The following ABTB3 variants were observed in gnomAD, a reference collection of about 807,000 sequenced individuals.
The protein encoded by ABTB3 is ankyrin repeat- and BTB/POZ domain-containing protein 3.
chr12:107,598,887 T>C, the ABTB3 span, among the ~76,000 whole-genome samples: 1 of 152,236 alleles, frequency 6.6e-6, no homozygotes, highest in Non-Finnish European at 1.5e-5. Flanking sequence ...GCCCTTATCC[T>C]GTCTCTGCTC....
the ABTB3 span, among the ~76,000 whole-genome samples, chr12:107,330,201 T>G: frequency 6.6e-6 from 1 of 152,128 alleles, no homozygotes; most frequent in Non-Finnish European, 1.5e-5. Flanking sequence ...TGGTAGAGGT[T>G]AGACTAAGCA....
At chr12:107,637,606 A>G in the ABTB3 span, among the ~76,000 whole-genome samples, 1 of 152,204 alleles carries the variant, frequency 6.6e-6, no homozygotes, top group Non-Finnish European at 1.5e-5. Flanking sequence ...GCATAACTAA[A>G]GGTCACCAAA....
At chr12:107,503,697 C>A in the ABTB3 span, among the ~76,000 whole-genome samples, 1 of 140,298 alleles carries the variant, frequency 7.1e-6, no homozygotes, top group Admixed American at 7.8e-5. Flanking sequence ...GTCGAGGCTG[C>A]ACTGAGCTGT....
chr12:107,606,836 G>C, the ABTB3 span, among the ~76,000 whole-genome samples: 1 of 152,174 alleles, frequency 6.6e-6, no homozygotes, highest in Non-Finnish European at 1.5e-5. Context: ...CCCCAATCAA[G>C]GGTGCAGACT....
At chr12:107,338,797 C>T in the ABTB3 span, among the ~76,000 whole-genome samples, 1 of 152,140 alleles carries the variant, frequency 6.6e-6, no homozygotes, top group African/African-American at 2.4e-5. Context: ...CGAGAGCCAC[C>T]CAGAGCATTT....
chr12:107,568,353 G>T, the ABTB3 span, among the ~76,000 whole-genome samples: 11 of 152,194 alleles, frequency 7.2e-5, no homozygotes, highest in African/African-American at 1.2e-4. Flanking sequence ...GACGATGTGT[G>T]TAGATCATGA....
chr12:107,474,898 G>A, the ABTB3 span, among the ~76,000 whole-genome samples: 1 of 152,132 alleles, frequency 6.6e-6, no homozygotes, highest in Non-Finnish European at 1.5e-5. Context: ...CTGATTTCCA[G>A]CCAGGTCTAG....
At chr12:107,575,218 G>T in the ABTB3 span, among the ~76,000 whole-genome samples, 1 of 152,206 alleles carries the variant, frequency 6.6e-6, no homozygotes, top group African/African-American at 2.4e-5. Flanking sequence ...TATAGCATCT[G>T]CAGAGGTTTG....
At chr12:107,464,127 A>G in the ABTB3 span, among the ~76,000 whole-genome samples, 3 of 151,950 alleles carry the variant, frequency 2.0e-5, no homozygotes, top group African/African-American at 7.3e-5. Context: ...AAATCAGGCC[A>G]CTTTTGACTC....
At chr12:107,643,770 T>TTTTTG in the ABTB3 span, among the ~76,000 whole-genome samples, 1,052 of 140,240 alleles carry the variant, frequency 7.5e-3, 25 homozygotes, top group African/African-American at 0.026. Context: ...TTTTTTTTTT[T>TTTTTG]GTTGAGAGAG....
chr12:107,367,236 A>G, the ABTB3 span, among the ~76,000 whole-genome samples: 1 of 152,218 alleles, frequency 6.6e-6, no homozygotes, highest in South Asian at 2.1e-4. Flanking sequence ...GGTGGTAACC[A>G]TAGAGATTGT....
the ABTB3 span, chr12:107,617,637 G>T: frequency 6.5e-6 from 4 of 616,004 alleles, no homozygotes; most frequent in Admixed American, 3.2e-5. Flanking sequence ...CACTCAGAAT[G>T]CTTTATTTTA....
chr12:107,534,040 A>G, the ABTB3 span, among the ~76,000 whole-genome samples: 30 of 152,280 alleles, frequency 2.0e-4, no homozygotes, highest in African/African-American at 7.2e-4. Context: ...GAAATTTAAA[A>G]AGAAATTAAA....
chr12:107,572,957 C>T, the ABTB3 span, among the ~76,000 whole-genome samples: 5 of 152,308 alleles, frequency 3.3e-5, no homozygotes, highest in African/African-American at 7.2e-5. Flanking sequence ...TGGTCAGTCA[C>T]GTGCGTCTGG....
At chr12:107,347,022 T>C in the ABTB3 span, among the ~76,000 whole-genome samples, 1 of 152,204 alleles carries the variant, frequency 6.6e-6, no homozygotes, top group African/African-American at 2.4e-5. Context: ...GTAATCATAG[T>C]TTTATTTCAT....
the ABTB3 span, among the ~76,000 whole-genome samples, chr12:107,320,258 C>A: frequency 1.3e-5 from 2 of 152,186 alleles, no homozygotes; most frequent in Non-Finnish European, 2.9e-5. Flanking sequence ...CACTCGGGTG[C>A]GCGTATTTCA....
At chr12:107,344,767 T>C in the ABTB3 span, among the ~76,000 whole-genome samples, 1 of 152,240 alleles carries the variant, frequency 6.6e-6, no homozygotes, top group Admixed American at 6.5e-5. Flanking sequence ...TTGTCCCTAG[T>C]GCATGATAAT....
the ABTB3 span, among the ~76,000 whole-genome samples, chr12:107,462,426 G>A: frequency 6.6e-6 from 1 of 152,314 alleles, no homozygotes; most frequent in African/African-American, 2.4e-5. Flanking sequence ...CCTTCTGTGG[G>A]CCACATTGTG....
the ABTB3 span, among the ~76,000 whole-genome samples, chr12:107,541,622 T>C: frequency 4.6e-5 from 7 of 152,374 alleles, no homozygotes; most frequent in South Asian, 1.4e-3. Flanking sequence ...CAGTCTTTTC[T>C]CTTAAAGCCT....
Sources: allele counts gnomAD v4.1 joint callset (sites outside exome capture counted in the v4.1 genomes callset), GRCh38; gene constraint gnomAD v4.1.1; transcripts MANE v1.5; gene names NCBI Gene and HGNC (gene_info 2026-07-23, HGNC 2026-07-21).